Variants in IL1RAPL1 observed in about 807,000 individuals in gnomAD.
IL1RAPL1 encodes interleukin 1 receptor accessory protein like 1.
In IL1RAPL1, 3 loss-of-function variants were observed where a neutral mutation model predicts 48.4. The observed-to-expected ratio is 0.06, with a 90% confidence interval of 0.03 to 0.16. The LOEUF (loss-of-function observed/expected upper bound fraction) is 0.16, where lower values mean the gene tolerates loss of function less well. IL1RAPL1 is among the 10% of genes least tolerant of loss of function. The pLI, the probability that IL1RAPL1 is intolerant of heterozygous loss-of-function variation, is 1.00. For synonymous variants in IL1RAPL1, 185 were observed against 187.7 expected (o/e 0.99, Z 0.12); for missense variants, 349 against 530.6 (o/e 0.66, Z 3.36).
chrX:29,069,628 AACACACACACACACACACAC>A (rs56373899), intron 2 of IL1RAPL1, among the ~76,000 whole-genome samples: 1 of 83,730 alleles, frequency 1.2e-5, no homozygotes, highest in Non-Finnish European at 2.4e-5. Context: ...TTTCCTATAG[AACACACACACACACACACAC>A]ACACACACAC....
chrX:28,640,629 G>A (rs1223394225), intron 1 of IL1RAPL1, among the ~76,000 whole-genome samples: 2 of 109,406 alleles, frequency 1.8e-5, no homozygotes, highest in African/African-American at 6.7e-5. Flanking sequence ...AGGATCATAG[G>A]CATGAGCCAC....
intron 2 of IL1RAPL1, among the ~76,000 whole-genome samples, chrX:29,111,759 C>G (rs1029820708): frequency 9.0e-6 from 1 of 110,806 alleles, no homozygotes; most frequent in South Asian, 3.8e-4. Flanking sequence ...TGTTCTAAAG[C>G]CTTCATAAAA....
intron 6 of IL1RAPL1, among the ~76,000 whole-genome samples, chrX:29,874,252 C>A (rs1343465770): frequency 8.9e-6 from 1 of 111,834 alleles, no homozygotes; most frequent in Non-Finnish European, 1.9e-5. Context: ...ATCTATAGAC[C>A]TTTGTTCTTC....
chrX:28,762,778 A>ACGCGTG (rs1555920832), intron 1 of IL1RAPL1, among the ~76,000 whole-genome samples: 2 of 80,086 alleles, frequency 2.5e-5, no homozygotes, highest in Admixed American at 1.4e-4. Context: ...TCTAATACGC[A>ACGCGTG]CGCGCGCGCA....
intron 3 of IL1RAPL1, among the ~76,000 whole-genome samples, chrX:29,332,637 TTTA>T (rs1370345178): frequency 1.5e-4 from 15 of 99,017 alleles, no homozygotes; most frequent in African/African-American, 5.6e-4. Flanking sequence ...TATTTATTTA[TTTA>T]TTTATTTATT....
chrX:28,901,468 A>G (rs1245638047), intron 2 of IL1RAPL1, among the ~76,000 whole-genome samples: 5 of 110,696 alleles, frequency 4.5e-5, no homozygotes, highest in Non-Finnish European at 9.5e-5. Context: ...TGGACATTTA[A>G]TTTTTCTTGC....
rs538008253 is a variant in IL1RAPL1 at position 29,101,754 on chromosome X, G to A, written c.83-181184G>A. ...AGTTCCAGACCAGCCTGGCCAACAC[G>A]GTGAAACTCCGTCTCTGCTAAAAAT... On this transcript the variant is annotated intron_variant, in intron 2 of 10. Transcript: ENST00000378993. Among the ~76,000 whole-genome samples, 6 of 110,793 alleles carry A rather than the reference G, an allele frequency of 5.4e-5. No individual in the cohort carries two copies. In the South Asian group the frequency reaches 2.3e-3, roughly 43 times the overall value.
intron 6 of IL1RAPL1, among the ~76,000 whole-genome samples, chrX:29,858,046 C>T (rs767651283): frequency 2.5e-4 from 28 of 111,630 alleles, no homozygotes; most frequent in African/African-American, 8.1e-4. Flanking sequence ...TGCTGTTTTC[C>T]AAGTGCCTTT....
chrX:29,217,775 T>TCACACACA (rs757477605), intron 2 of IL1RAPL1, among the ~76,000 whole-genome samples: 92 of 68,405 alleles, frequency 1.3e-3, no homozygotes, highest in Non-Finnish European at 1.7e-3. Flanking sequence ...TCTCTCTCTC[T>TCACACACA]CTCACACACA....
At chrX:29,194,231 A>C (rs901015910) in intron 2 of IL1RAPL1, among the ~76,000 whole-genome samples, 1 of 112,931 alleles carries the variant, frequency 8.9e-6, no homozygotes, top group Admixed American at 9.4e-5. Flanking sequence ...TAACAAATAA[A>C]TTTAGCCATG....
intron 1 of IL1RAPL1, among the ~76,000 whole-genome samples, chrX:28,607,396 A>G (rs1419323040): frequency 9.0e-6 from 1 of 111,484 alleles, no homozygotes; most frequent in Non-Finnish European, 1.9e-5. Flanking sequence ...GAATAAATAT[A>G]TTGCCATTTT....
chrX:29,486,612 C>CAAA lies in IL1RAPL1; in HGVS notation c.703+87327_703+87329dup, dbSNP rs768358495. 5.7e-3 allele frequency among the ~76,000 whole-genome samples: 234 copies of CAAA among 40,868 alleles called. 4 individuals are homozygous for CAAA. Among genetic ancestry groups the CAAA allele is most frequent in the Middle Eastern group, 0.051 (2 of 39 alleles). 35.5% of individuals were successfully genotyped at this position (40,868 alleles called of 115,157 possible). ...CACTTGAGAATTCTCAAGTGCTATA[C>CAAA]AAAAAAAAAAAAAAAAAAAAAAAAA... is the stretch of plus-strand genomic sequence containing the variant. On this transcript the variant is annotated intron_variant, in intron 5 of 10. Coordinates refer to ENST00000378993, the MANE Select transcript of IL1RAPL1 (RefSeq NM_014271.4).
At chrX:29,551,089 AT>A (rs1277107859) in intron 5 of IL1RAPL1, among the ~76,000 whole-genome samples, 1 of 112,105 alleles carries the variant, frequency 8.9e-6, no homozygotes, top group Non-Finnish European at 1.9e-5. Context: ...GTACTGGCAT[AT>A]TTTACTTATC....
intron 8 of IL1RAPL1, among the ~76,000 whole-genome samples, chrX:29,923,913 C>T (rs1034468597): frequency 1.8e-5 from 2 of 111,996 alleles, no homozygotes; most frequent in Admixed American, 1.9e-4. Context: ...TGTCTATACT[C>T]TCATTTTGAA....
chrX:28,770,691 A>G (rs1936298514), intron 1 of IL1RAPL1, among the ~76,000 whole-genome samples: 1 of 112,346 alleles, frequency 8.9e-6, no homozygotes, highest in South Asian at 3.7e-4. Flanking sequence ...AGCAAGTACT[A>G]TTGATCTTTG....
chrX:29,199,464 G>A (rs115698280), intron 2 of IL1RAPL1, among the ~76,000 whole-genome samples: 3,078 of 111,472 alleles, frequency 0.028, 106 homozygotes, highest in African/African-American at 0.094. Context: ...GCAGTTCCCA[G>A]TCTTTTTGGC....
In IL1RAPL1 at chrX:29,811,603, G is replaced by A. The variant is rs190156258; in HGVS notation, c.779-105861G>A. On this transcript the variant is annotated intron_variant, in intron 6 of 10. Coordinates refer to ENST00000378993, the MANE Select transcript of IL1RAPL1 (RefSeq NM_014271.4). ...CTCAGGATCAATATCGCATCCTTCA[G>A]TCCAATCAAGTTGACACTCAGTATT... 3.9e-3 allele frequency among the ~76,000 whole-genome samples: 437 copies of A among 111,016 alleles called. 3 individuals carry two copies. Among genetic ancestry groups the A allele is most frequent in the African/African-American group, 0.013 (411 of 30,540 alleles).
intron 8 of IL1RAPL1, among the ~76,000 whole-genome samples, chrX:29,932,298 T>C (rs1290010272): frequency 8.9e-6 from 1 of 112,481 alleles, no homozygotes; most frequent in East Asian, 2.8e-4. Context: ...TCTGTGTTAG[T>C]AACTTCACAG....
chrX:29,289,116 T>C (rs961335131), intron 3 of IL1RAPL1, among the ~76,000 whole-genome samples: 1 of 112,456 alleles, frequency 8.9e-6, no homozygotes, highest in Non-Finnish European at 1.9e-5. Flanking sequence ...TTAGGTTGTC[T>C]GTTCACTCTG....
Sources: gnomAD v4.1 joint callset for allele counts (sites outside exome capture counted in the v4.1 genomes callset) on GRCh38, gnomAD v4.1.1 for gene constraint, MANE v1.5 for transcripts, NCBI Gene and HGNC (gene_info 2026-07-23, HGNC 2026-07-21) for gene names.